FAAH2: variants seen among roughly 807,000 people sequenced by gnomAD.
FAAH2 encodes fatty acid amide hydrolase 2.
Under a neutral mutation model 36.9 loss-of-function variants are expected in FAAH2, and 60 were observed. The observed-to-expected ratio is 1.63, with a 90% CI of 1.32 to 2.02. The LOEUF is 2.02. FAAH2 is among the 30% of genes most tolerant of loss of function. The pLI, the probability that FAAH2 is intolerant of heterozygous loss-of-function variation, is 0.00. For synonymous variants in FAAH2, 214 were observed against 143.8 expected, an observed-to-expected ratio of 1.49 and a Z score of -3.49; for missense variants, 689 against 397.5, an observed-to-expected ratio of 1.73 and a Z score of -6.23.
At chrX:57,127,702 C>G in the FAAH2 span, among the ~76,000 whole-genome samples, 1 of 110,528 alleles carries the variant, frequency 9.0e-6, no homozygotes, top group South Asian at 3.8e-4. Flanking sequence ...TGAAATAGAC[C>G]TTTCTCTATC....
At chrX:57,330,878 TG>T (rs1462219723) in intron 3 of FAAH2, among the ~76,000 whole-genome samples, 2 of 110,347 alleles carry the variant, frequency 1.8e-5, no homozygotes. Context: ...GCAGGTCAGG[TG>T]CTATCCACCT....
chrX:57,390,966 T>C (rs1220148412), intron 7 of FAAH2, among the ~76,000 whole-genome samples: 5 of 111,660 alleles, frequency 4.5e-5, no homozygotes, highest in African/African-American at 9.7e-5. Context: ...TTCCTTTTTT[T>C]CTGCATTCTC....
chrX:57,474,656 C>T (rs901863791), intron 10 of FAAH2, among the ~76,000 whole-genome samples: 3 of 111,775 alleles, frequency 2.7e-5, no homozygotes, highest in Admixed American at 1.9e-4. Context: ...GTAAATAATG[C>T]TGCAATAAAC....
Position 57,294,166 on chromosome X carries a change from G to A in FAAH2, c.275+1586G>A, listed in dbSNP as rs760765499. ...ATCCCTCAGTGTTAGCTCTTTTATT[G>A]TTATGGTTGTTATTACAACATGAGC... On this transcript the variant is annotated intron_variant, in intron 2 of 10. Coordinates refer to ENST00000374900, the MANE Select transcript of FAAH2 (RefSeq NM_174912.4). Among the ~76,000 whole-genome samples the A allele has an allele frequency of 5.4e-5, 6 of 111,697 alleles. No individual in the cohort carries two copies. In the East Asian group the frequency reaches 1.4e-3, roughly 26 times the overall value.
At chrX:57,192,013 T>C in the FAAH2 span, among the ~76,000 whole-genome samples, 1 of 112,079 alleles carries the variant, frequency 8.9e-6, no homozygotes, top group Non-Finnish European at 1.9e-5. Context: ...GTGAAGAATG[T>C]CATTGTTATT....
At chrX:57,289,137 AG>A (rs1194952154) in intron 1 of FAAH2, among the ~76,000 whole-genome samples, 2 of 112,140 alleles carry the variant, frequency 1.8e-5, no homozygotes, top group African/African-American at 6.5e-5. Context: ...CTTACAGAGA[AG>A]GAAAATAAAG....
chrX:57,235,287 G>GA, the FAAH2 span, among the ~76,000 whole-genome samples: 50 of 109,669 alleles, frequency 4.6e-4, no homozygotes, highest in East Asian at 1.7e-3. Flanking sequence ...GAAAAAGAAA[G>GA]AAAAAAAAAC....
chrX:57,175,225 T>C, the FAAH2 span, among the ~76,000 whole-genome samples: 1,127 of 111,685 alleles, frequency 0.01, 16 homozygotes, highest in Admixed American at 0.053. Context: ...TTAGGTCTGG[T>C]AGTAATTGTT....
At chrX:57,406,178 C>T (rs1265605874) in intron 7 of FAAH2, among the ~76,000 whole-genome samples, 1 of 111,766 alleles carries the variant, frequency 8.9e-6, no homozygotes, top group Non-Finnish European at 1.9e-5. Context: ...TGGGTGCTTT[C>T]AATGTGCCAA....
intron 8 of FAAH2, among the ~76,000 whole-genome samples, chrX:57,445,435 A>G (rs980727703): frequency 1.8e-5 from 2 of 111,728 alleles, no homozygotes; most frequent in Admixed American, 9.5e-5. Context: ...GCAGTGTGCT[A>G]GATTAAACAT....
intron 3 of FAAH2, among the ~76,000 whole-genome samples, chrX:57,318,172 C>T (rs757137972): frequency 1.9e-5 from 2 of 106,286 alleles, no homozygotes; most frequent in South Asian, 8.7e-4. Context: ...CAGAGCAGAA[C>T]TAAAGGAGAT....
At chrX:57,172,276 A>T in the FAAH2 span, among the ~76,000 whole-genome samples, 3 of 111,351 alleles carry the variant, frequency 2.7e-5, no homozygotes, top group East Asian at 8.5e-4. Context: ...TATTTTTTCT[A>T]ATTCTGTGAG....
the FAAH2 span, among the ~76,000 whole-genome samples, chrX:57,260,308 G>C: frequency 9.0e-6 from 1 of 111,240 alleles, no homozygotes; most frequent in African/African-American, 3.3e-5. Context: ...TTTTCACCAA[G>C]GTACCAAGAC....
intron 7 of FAAH2, among the ~76,000 whole-genome samples, chrX:57,382,088 C>T (rs188804179): frequency 6.3e-5 from 7 of 111,204 alleles, no homozygotes; most frequent in Non-Finnish European, 1.3e-4. Context: ...GGGTACATAA[C>T]GAAATGAAGG....
Position 57,297,066 on chromosome X carries a change from A to G in FAAH2, c.275+4486A>G, listed in dbSNP as rs189386382. Among the ~76,000 whole-genome samples the G allele has an allele frequency of 1.0e-3, 112 of 110,807 alleles. 1 individual carries two copies. In the East Asian group the frequency reaches 0.022, roughly 21 times the overall value. On this transcript the variant is annotated intron_variant, in intron 2 of 10. Transcript: ENST00000374900. The stretch of plus-strand genomic sequence containing the variant: ...TTAGGAGAAATTCCCCAATCTAGCA[A>G]GGCAGGCCAACATTCAGATCCAGGA...
intron 4 of FAAH2, among the ~76,000 whole-genome samples, chrX:57,333,366 A>G (rs1028537061): frequency 8.9e-6 from 1 of 111,933 alleles, no homozygotes; most frequent in Non-Finnish European, 1.9e-5. Flanking sequence ...GGCTTTCAAC[A>G]AAACAATTAT....
intron 7 of FAAH2, among the ~76,000 whole-genome samples, chrX:57,398,303 G>A (rs1293431070): frequency 4.5e-5 from 5 of 111,858 alleles, no homozygotes; most frequent in Admixed American, 1.9e-4. Flanking sequence ...CATTGAACTT[G>A]GATAATCAAA....
chrX:57,455,814 C>G (rs1274994645), intron 10 of FAAH2, among the ~76,000 whole-genome samples: 2 of 111,908 alleles, frequency 1.8e-5, no homozygotes, highest in East Asian at 5.6e-4. Context: ...GGAAGTTCTT[C>G]CTAACCAATG....
chrX:57,150,461 G>A, the FAAH2 span, among the ~76,000 whole-genome samples: 11 of 112,072 alleles, frequency 9.8e-5, no homozygotes, highest in Non-Finnish European at 1.5e-4. Flanking sequence ...GGGTGCATAT[G>A]TATTTAGGAT....
Sources: gnomAD v4.1 joint callset for allele counts (sites outside exome capture counted in the v4.1 genomes callset) on GRCh38, gnomAD v4.1.1 for gene constraint, MANE v1.5 for transcripts, NCBI Gene and HGNC (gene_info 2026-07-23, HGNC 2026-07-21) for gene names.